GPR89A: variants seen among roughly 807,000 people sequenced by gnomAD.
GPR89A encodes the protein G protein-coupled receptor 89A.
Under a neutral mutation model 52.0 loss-of-function variants are expected in GPR89A, and 16 were observed. The observed-to-expected ratio is 0.31, with a 90% CI of 0.21 to 0.47. The LOEUF is 0.47. Among genes scored for constraint, GPR89A ranks in the 20% least tolerant of loss-of-function variants. GPR89A has a pLI of 1.00. For missense variants in GPR89A, 135 were observed against 449.4 expected (o/e 0.30, Z 6.33); for synonymous variants, 55 against 150.9 (o/e 0.36, Z 4.66).
chr1:145,614,549 G>A (rs1270595713), intron 1 of GPR89A, among the ~76,000 whole-genome samples: 5 of 151,856 alleles, frequency 3.3e-5, no homozygotes, highest in African/African-American at 9.7e-5. Flanking sequence ...AAGCACTTAT[G>A]GAGAGCCTGC....
intron 2 of GPR89A, among the ~76,000 whole-genome samples, chr1:145,617,901 T>C (rs587633957): frequency 6.6e-6 from 1 of 152,088 alleles, no homozygotes; most frequent in African/African-American, 2.4e-5. Flanking sequence ...AGCCTGGGAT[T>C]CTGGAGATTT....
intron 1 of GPR89A, chr1:145,608,693 A>C: frequency 2.2e-6 from 2 of 895,682 alleles, no homozygotes; most frequent in Non-Finnish European, 2.7e-6. Flanking sequence ...CTGTGCTTGA[A>C]AGTATAAGGT....
At chr1:145,639,415 T>G (rs2101791369) in intron 7 of GPR89A, among the ~76,000 whole-genome samples, 1 of 152,254 alleles carries the variant, frequency 6.6e-6, no homozygotes, top group Non-Finnish European at 1.5e-5. Flanking sequence ...GTGGTACTGG[T>G]AGACATAGAT....
At chr1:145,643,136 A>C (rs587721241) in intron 7 of GPR89A, among the ~76,000 whole-genome samples, 1 of 149,516 alleles carries the variant, frequency 6.7e-6, no homozygotes, top group Admixed American at 6.7e-5. Context: ...TCCTTTAGTT[A>C]GGTATGTTAG....
At chr1:145,625,008 A>G (rs1390565582) in intron 5 of GPR89A, among the ~76,000 whole-genome samples, 5 of 151,654 alleles carry the variant, frequency 3.3e-5, no homozygotes, top group South Asian at 4.2e-4. Context: ...GCCAGTGTCT[A>G]TTATAGAATC....
At chr1:145,617,717 A>G (rs1286815536) in intron 2 of GPR89A, among the ~76,000 whole-genome samples, 4 of 151,924 alleles carry the variant, frequency 2.6e-5, no homozygotes, top group Non-Finnish European at 4.4e-5. Flanking sequence ...CCCGCAACAC[A>G]AGGCTGGTGT....
intron 10 of GPR89A, among the ~76,000 whole-genome samples, chr1:145,659,402 G>C (rs1228705347): frequency 6.6e-6 from 1 of 151,722 alleles, no homozygotes; most frequent in Non-Finnish European, 1.5e-5. Context: ...GGCCAGGCTG[G>C]TCTCTAACTC....
chr1:145,639,620 G>A (rs868912436), intron 7 of GPR89A, among the ~76,000 whole-genome samples: 5 of 151,408 alleles, frequency 3.3e-5, no homozygotes, highest in African/African-American at 7.3e-5. Context: ...GGTGGCATGC[G>A]CCTGTAGTCC....
chr1:145,623,742 G>A (rs1466495582), intron 5 of GPR89A, 28 bp downstream of exon 5: 7 of 1,596,084 alleles, frequency 4.4e-6, no homozygotes, highest in East Asian at 2.2e-5. Flanking sequence ...GGCAGAGGAA[G>A]TGGGGGGAGA....
chr1:145,667,344 C>G (rs78206316), intron 12 of GPR89A, among the ~76,000 whole-genome samples: 1 of 152,128 alleles, frequency 6.6e-6, no homozygotes, highest in Non-Finnish European at 1.5e-5. Flanking sequence ...CAGTGATGAT[C>G]AGCATTTTTT....
At chr1:145,628,625 G>A (rs1553689334) in intron 5 of GPR89A, among the ~76,000 whole-genome samples, 1 of 151,866 alleles carries the variant, frequency 6.6e-6, no homozygotes, top group Non-Finnish European at 1.5e-5. Context: ...TACCTCATAG[G>A]ATTGTTATGA....
intron 10 of GPR89A, among the ~76,000 whole-genome samples, chr1:145,659,048 A>T (rs771426243): frequency 2.0e-5 from 3 of 151,980 alleles, no homozygotes; most frequent in African/African-American, 7.3e-5. Context: ...AAGTGCTGGG[A>T]TTATATCCGT....
chr1:145,652,645 G>A lies in GPR89A; in HGVS notation c.909+5378G>A, dbSNP rs587697354. Among the ~76,000 whole-genome samples the A allele has an allele frequency of 2.1e-3, 254 of 123,252 alleles. 5 individuals are homozygous for A. The highest frequency in any genetic ancestry group is 2.2e-3 in the Non-Finnish European group (137 of 61,378). 80.9% of individuals were successfully genotyped at this position (123,252 alleles called of 152,430 possible). A position where few individuals can be genotyped will look rare whatever the true frequency, so the allele number is the denominator to read the frequency against. On this transcript the variant is annotated intron_variant, in intron 10 of 13. Coordinates refer to ENST00000313835, the MANE Select transcript of GPR89A (RefSeq NM_001097612.2). ...GTCCTGGGCTTTCCTTGGATGGTAG[G>A]CTTATTACTGCCCCAAATCAGAACT...
At position 145,651,069 on chromosome 1, in the gene GPR89A, G is replaced by A. The variant is rs587713751; in HGVS notation, c.909+3802G>A. On this transcript the variant is annotated intron_variant, in intron 10 of 13. Coordinates refer to ENST00000313835, the MANE Select transcript of GPR89A (RefSeq NM_001097612.2). ...CATTTTTGTCATGAAACCTTTGCCT[G>A]TACCATGTCCTGAATGGTATTGCCT... Among the ~76,000 whole-genome samples, 9 of 152,180 alleles carry A rather than the reference G, an allele frequency of 5.9e-5. No homozygotes were observed. In the East Asian group the frequency reaches 1.5e-3, roughly 26 times the overall value.
intron 11 of GPR89A, among the ~76,000 whole-genome samples, chr1:145,665,277 G>GT (rs1652477690): frequency 6.6e-6 from 1 of 151,690 alleles, no homozygotes; most frequent in African/African-American, 2.4e-5. Flanking sequence ...GAGCCCAGGA[G>GT]TTTGAGACGA....
Position 145,640,951 on chromosome 1 carries a change from A to C in GPR89A, c.618-2918A>C, listed in dbSNP as rs1291237668. 1.3e-5 allele frequency among the ~76,000 whole-genome samples: 2 copies of C among 151,442 alleles called. 1 individual carries two copies. The highest frequency in any genetic ancestry group is 4.9e-5 in the African/African-American group (2 of 41,018). On this transcript the variant is annotated intron_variant, in intron 7 of 13. Coordinates refer to ENST00000313835, the MANE Select transcript of GPR89A (RefSeq NM_001097612.2). The stretch of plus-strand genomic sequence containing the variant: ...CCATTATGGACATGCCATTAAAACT[A>C]CATCGAGATAATCACTACACACCTA...
At chr1:145,647,478 A>T (rs1196397355) in intron 10 of GPR89A, among the ~76,000 whole-genome samples, 3 of 152,022 alleles carry the variant, frequency 2.0e-5, no homozygotes, top group Admixed American at 6.5e-5. Context: ...TTCTTCTGTC[A>T]GAAATTGTTA....
intron 3 of GPR89A, among the ~76,000 whole-genome samples, chr1:145,619,456 A>T (rs1169079696): frequency 6.6e-5 from 10 of 151,914 alleles, no homozygotes; most frequent in Non-Finnish European, 1.3e-4. Context: ...CAAAAAAATA[A>T]AAAAAATTAG....
chr1:145,657,120 A>G (rs1342946424), intron 10 of GPR89A, among the ~76,000 whole-genome samples: 1 of 150,994 alleles, frequency 6.6e-6, no homozygotes, highest in Non-Finnish European at 1.5e-5. Flanking sequence ...TTGTCTGAGC[A>G]TGTTGGCTCA....
Sources: allele counts gnomAD v4.1 joint callset (sites outside exome capture counted in the v4.1 genomes callset), GRCh38; gene constraint gnomAD v4.1.1; transcripts MANE v1.5; gene names NCBI Gene and HGNC (gene_info 2026-07-23, HGNC 2026-07-21).